The following RALGPS1 variants were observed in gnomAD, a reference collection of about 807,000 sequenced individuals.
RALGPS1 encodes the protein ras-specific guanine nucleotide-releasing factor RalGPS1.
RALGPS1 carries 19 observed loss-of-function variants against 78.8 expected under a neutral mutation model. The ratio of observed to expected loss-of-function variants is 0.24; its 90% CI spans 0.17 to 0.35. The LOEUF is 0.35. Ranked by LOEUF, RALGPS1 falls within the 10% of genes least tolerant of loss-of-function variation. RALGPS1 has a pLI of 1.00. For missense variants in RALGPS1, 454 were observed against 688.3 expected (o/e 0.66, Z 3.81); for synonymous variants, 228 against 256.3 (o/e 0.89, Z 1.06).
chr9:126,917,165 C>T (rs1330037822), intron 1 of RALGPS1, among the ~76,000 whole-genome samples: 1 of 152,062 alleles, frequency 6.6e-6, no homozygotes, highest in Non-Finnish European at 1.5e-5. Context: ...GGGATTAGGC[C>T]CTTACTGGTG....
chr9:127,040,867 G>A (rs896232578), intron 5 of RALGPS1, among the ~76,000 whole-genome samples: 2 of 152,138 alleles, frequency 1.3e-5, no homozygotes, highest in African/African-American at 2.4e-5. Context: ...ATTCATCCAT[G>A]TCTTTATATT....
intron 7 of RALGPS1, among the ~76,000 whole-genome samples, chr9:127,056,261 C>T (rs984259520): frequency 1.3e-5 from 2 of 152,140 alleles, no homozygotes; most frequent in Admixed American, 6.5e-5. Flanking sequence ...AAGGGCTGAG[C>T]CAGGGCTCTT....
At chr9:127,198,893 A>G (rs1179915241) in intron 13 of RALGPS1, 122 bp from the exon 14 acceptor site, 12 of 849,652 alleles carry the variant, frequency 1.4e-5, no homozygotes, top group Middle Eastern at 2.2e-4. Context: ...GAGGCTCCCA[A>G]TGTCAGGAAG....
At chr9:126,933,599 G>C (rs2035997238) in intron 1 of RALGPS1, among the ~76,000 whole-genome samples, 1 of 152,146 alleles carries the variant, frequency 6.6e-6, no homozygotes, top group Non-Finnish European at 1.5e-5. Context: ...AGATGTGGGA[G>C]GGGAAGGCCA....
chr9:127,115,425 C>T (rs2055298496), intron 8 of RALGPS1, among the ~76,000 whole-genome samples: 1 of 152,138 alleles, frequency 6.6e-6, no homozygotes, highest in Non-Finnish European at 1.5e-5. Context: ...ATTAATAGCA[C>T]CCCCTTTTCA....
intron 4 of RALGPS1, among the ~76,000 whole-genome samples, chr9:126,999,097 A>G (rs1168329605): frequency 1.3e-5 from 2 of 151,480 alleles, no homozygotes; most frequent in Admixed American, 6.6e-5. Context: ...CAGCACACCA[A>G]CATGGCACAT....
At chr9:127,120,598 C>T (rs1030195436) in intron 8 of RALGPS1, among the ~76,000 whole-genome samples, 7 of 152,276 alleles carry the variant, frequency 4.6e-5, no homozygotes, top group South Asian at 4.1e-4. Context: ...CCGAGGTGGG[C>T]GGATCACGAG....
chr9:127,108,888 T>C (rs955292653), intron 8 of RALGPS1: 2 of 796,968 alleles, frequency 2.5e-6, no homozygotes, highest in Middle Eastern at 3.8e-4. Context: ...TTCCAAAAAC[T>C]CTGCTTCAGG....
At chr9:127,106,201 T>C (rs1057013665) in intron 8 of RALGPS1, among the ~76,000 whole-genome samples, 2 of 152,240 alleles carry the variant, frequency 1.3e-5, no homozygotes, top group Non-Finnish European at 2.9e-5. Context: ...GAGTCCAGCC[T>C]GTCTCCAGTC....
intron 1 of RALGPS1, among the ~76,000 whole-genome samples, chr9:126,952,066 A>G (rs535510066): frequency 6.6e-6 from 1 of 152,356 alleles, no homozygotes; most frequent in South Asian, 2.1e-4. Flanking sequence ...CCCATTCACA[A>G]TTGCTTCAAA....
intron 11 of RALGPS1, among the ~76,000 whole-genome samples, chr9:127,176,664 T>C (rs1318080407): frequency 6.6e-6 from 1 of 152,238 alleles, no homozygotes; most frequent in Non-Finnish European, 1.5e-5. Context: ...CCTGGACTTC[T>C]TTAAATGCCA....
chr9:126,988,822 T>C (rs2042029657), intron 4 of RALGPS1, among the ~76,000 whole-genome samples: 1 of 152,028 alleles, frequency 6.6e-6, no homozygotes. Context: ...GGCTGCCCAC[T>C]TAGGGAGCAG....
At chr9:127,058,415 G>A (rs1174293102) in intron 7 of RALGPS1, among the ~76,000 whole-genome samples, 1 of 152,164 alleles carries the variant, frequency 6.6e-6, no homozygotes. Flanking sequence ...GGGACCAAGA[G>A]TGGAAACTGG....
chr9:127,027,084 C>G (rs1040815520), intron 4 of RALGPS1, among the ~76,000 whole-genome samples: 8 of 152,318 alleles, frequency 5.3e-5, no homozygotes, highest in African/African-American at 1.9e-4. Context: ...TTCACCACCT[C>G]TGTAGCCCCT....
At chr9:127,174,290 AG>A (rs2059725415) in intron 10 of RALGPS1, among the ~76,000 whole-genome samples, 3 of 122,100 alleles carry the variant, frequency 2.5e-5, no homozygotes, top group African/African-American at 1.6e-4. Flanking sequence ...AGAAAGAAAG[AG>A]AAAGAAAGAG....
chr9:127,023,898 A>G (rs1235606469), intron 4 of RALGPS1, among the ~76,000 whole-genome samples: 1 of 152,078 alleles, frequency 6.6e-6, no homozygotes, highest in South Asian at 2.1e-4. Flanking sequence ...TTAGCCAGGC[A>G]TGGTGGCGGG....
intron 4 of RALGPS1, among the ~76,000 whole-genome samples, chr9:126,996,394 C>CT (rs1173037427): frequency 6.6e-5 from 10 of 152,182 alleles, no homozygotes; most frequent in African/African-American, 2.2e-4. Context: ...TCAGAGAATA[C>CT]TACAAACACC....
At chr9:126,965,018 G>A (rs1241642938) in intron 2 of RALGPS1, among the ~76,000 whole-genome samples, 1 of 152,204 alleles carries the variant, frequency 6.6e-6, no homozygotes, top group Non-Finnish European at 1.5e-5. Flanking sequence ...GCTTGATTGA[G>A]CTTGATGAAG....
chr9:127,124,260 C>T (rs2056431113), intron 8 of RALGPS1, among the ~76,000 whole-genome samples: 1 of 152,236 alleles, frequency 6.6e-6, no homozygotes, highest in African/African-American at 2.4e-5. Flanking sequence ...GCAGTCTCTA[C>T]CCTGTTCACC....
Sources: allele counts gnomAD v4.1 joint callset (sites outside exome capture counted in the v4.1 genomes callset), GRCh38; gene constraint gnomAD v4.1.1; transcripts MANE v1.5; gene names NCBI Gene and HGNC (gene_info 2026-07-23, HGNC 2026-07-21).